Variants in PSMA6 observed in about 807,000 individuals in gnomAD.
The protein encoded by PSMA6 is proteasome 20S subunit alpha 6.
For synonymous variants in PSMA6, 88 were observed against 97.7 expected (o/e 0.90, Z 0.59); for missense variants, 170 against 294.8 (o/e 0.58, Z 3.10).
At chr14:35,283,434 A>G (rs2051389333) in intron 1 of PSMA6, among the ~76,000 whole-genome samples, 1 of 151,818 alleles carries the variant, frequency 6.6e-6, no homozygotes, top group Non-Finnish European at 1.5e-5. Context: ...ATAACATTTC[A>G]TTGATTCCAC....
upstream of PSMA6, among the ~76,000 whole-genome samples, chr14:35,289,936 A>AG (rs2051460221): frequency 6.7e-6 from 1 of 149,254 alleles, no homozygotes; most frequent in East Asian, 2.0e-4. Flanking sequence ...AAAAAAAAAA[A>AG]GGCAGAATAG....
upstream of PSMA6, among the ~76,000 whole-genome samples, chr14:35,291,501 T>TGA (rs2051479671): frequency 6.6e-6 from 1 of 150,508 alleles, no homozygotes; most frequent in Non-Finnish European, 1.5e-5. Flanking sequence ...ATTACAGGCG[T>TGA]GAGCCACCGC....
chr14:35,293,131 A>G (rs2051520431), intron 1 of PSMA6: 1 of 426,184 alleles, frequency 2.3e-6, no homozygotes, highest in South Asian at 1.7e-5. Context: ...CAATTTACAA[A>G]TATCTACAGA....
chr14:35,317,135 A>G (rs572776238), intron 6 of PSMA6, 114 bp from the exon 7 acceptor site: 1 of 737,156 alleles, frequency 1.4e-6, no homozygotes, highest in South Asian at 1.6e-5. Flanking sequence ...ATAAATTGAT[A>G]ATTGTTAAAG....
chr14:35,305,866 C>G (rs549494884), intron 1 of PSMA6, among the ~76,000 whole-genome samples: 63 of 152,170 alleles, frequency 4.1e-4, no homozygotes, highest in African/African-American at 1.5e-3. Flanking sequence ...GGGAGGATCA[C>G]TTGAGCCAGA....
At position 35,310,834 on chromosome 14, in the gene PSMA6, A is replaced by G. The variant is rs1393270246; in HGVS notation, c.348A>G (p.Lys116=). 1 of 1,613,650 alleles carries G rather than the reference A, an allele frequency of 6.2e-7. No individual in the cohort carries two copies. Among genetic ancestry groups the G allele is most frequent in the African/African-American group, 1.3e-5 (1 of 74,912 alleles). Residue 116 remains lysine, a synonymous_variant, in exon 4 of 7, where the codon AAA becomes AAG. Coordinates refer to ENST00000261479, the MANE Select transcript of PSMA6 (RefSeq NM_002791.3). ...GYEIPVDMLC[K]RIADISQVYT... is the part of the protein sequence containing the mutation. ...AGATTCCTGTGGACATGCTGTGTAA[A>G]AGAATTGCCGATATTTCTCAGGTCT... is the stretch of plus-strand genomic sequence containing the variant.
intron 4 of PSMA6, 170 bp from the exon 5 acceptor site, chr14:35,312,711 A>C (rs1448237941): frequency 3.9e-6 from 2 of 512,708 alleles, no homozygotes; most frequent in African/African-American, 4.0e-5. Flanking sequence ...CTGTTACCTA[A>C]TTTACCTGTG....
chr14:35,289,915 CAAAAAAAAA>C (rs750610944), upstream of PSMA6, among the ~76,000 whole-genome samples: 3 of 79,650 alleles, frequency 3.8e-5, no homozygotes, highest in East Asian at 3.5e-4. Context: ...TACCGCATTT[CAAAAAAAAA>C]AAAAAAAAAA....
upstream of PSMA6, chr14:35,292,282 C>T: frequency 7.1e-7 from 1 of 1,401,042 alleles, no homozygotes; most frequent in South Asian, 1.6e-5. Context: ...CCTCACTCCA[C>T]CACCCCCTTA....
intron 1 of PSMA6, chr14:35,293,044 C>T (rs1476837378): frequency 2.2e-6 from 1 of 456,604 alleles, no homozygotes; most frequent in Non-Finnish European, 4.4e-6. Flanking sequence ...GTGAATGTTA[C>T]ACCCTCTTCT....
At chr14:35,308,642 TG>T in intron 2 of PSMA6, 1 of 366,282 alleles carries the variant, frequency 2.7e-6, no homozygotes, top group South Asian at 3.3e-5. Context: ...CTAAGTCTTT[TG>T]TCTTTGGGGA....
chr14:35,308,075 A>G lies in PSMA6; in HGVS notation c.158A>G (p.Gln53Arg). 8 of 1,613,882 alleles carry G rather than the reference A, an allele frequency of 5.0e-6. No individual in the cohort carries two copies. The highest frequency in any genetic ancestry group is 6.8e-6 in the Non-Finnish European group (8 of 1,179,834). ...AAAGACTGTGCAGTAATTGTCACAC[A>G]GAAGAAAGTACCTGTAAGTAATACT... ...RGKDCAVIVTQKKVPDKLLDS... is the reference protein window; with the variant it reads ...RGKDCAVIVTRKKVPDKLLDS... Residue 53 changes from glutamine (Q) to arginine (R), a missense_variant, in exon 2 of 7, where the codon CAG becomes CGG. Coordinates refer to ENST00000261479, the MANE Select transcript of PSMA6 (RefSeq NM_002791.3).
upstream of PSMA6, among the ~76,000 whole-genome samples, chr14:35,287,691 A>G (rs2051436411): frequency 6.6e-6 from 1 of 152,198 alleles, no homozygotes; most frequent in Non-Finnish European, 1.5e-5. Flanking sequence ...ATTTTTTCAA[A>G]AAACCAGAAA....
At chr14:35,307,593 A>C (rs775115266) in intron 1 of PSMA6, among the ~76,000 whole-genome samples, 6 of 151,886 alleles carry the variant, frequency 4.0e-5, no homozygotes, top group Non-Finnish European at 8.8e-5. Context: ...TATTAGCCAG[A>C]TGTGGTGGCA....
intron 4 of PSMA6, among the ~76,000 whole-genome samples, chr14:35,311,501 C>A (rs1230569091): frequency 6.6e-6 from 1 of 152,162 alleles, no homozygotes; most frequent in Non-Finnish European, 1.5e-5. Flanking sequence ...ACCCTCTTGA[C>A]TTCTCACTTA....
chr14:35,300,478 G>T (rs2051690748), intron 1 of PSMA6, among the ~76,000 whole-genome samples: 1 of 151,980 alleles, frequency 6.6e-6, no homozygotes, highest in Non-Finnish European at 1.5e-5. Context: ...TCTCAGAAAA[G>T]AAAATAAAAA....
At chr14:35,298,728 TTTA>T (rs34505017) in intron 1 of PSMA6, among the ~76,000 whole-genome samples, 18 of 151,148 alleles carry the variant, frequency 1.2e-4, no homozygotes, top group Non-Finnish European at 1.8e-4. Flanking sequence ...TCTTTATTTC[TTTA>T]TTATTATTAT....
At chr14:35,282,906 GATCTC>G (rs1216930639) in intron 1 of PSMA6, among the ~76,000 whole-genome samples, 1 of 151,334 alleles carries the variant, frequency 6.6e-6, no homozygotes, top group Admixed American at 6.6e-5. Context: ...GCAAAGGAAA[GATCTC>G]AGCTCACTGC....
At chr14:35,284,461 CTACCTCATGT>C (rs1310767262) in intron 1 of PSMA6, among the ~76,000 whole-genome samples, 2 of 152,136 alleles carry the variant, frequency 1.3e-5, no homozygotes, top group South Asian at 4.1e-4. Context: ...GTATTACGGA[CTACCTCATGT>C]TAGCTTTGCT....
Sources: allele counts gnomAD v4.1 joint callset (sites outside exome capture counted in the v4.1 genomes callset), GRCh38; gene constraint gnomAD v4.1.1; transcripts MANE v1.5; gene names NCBI Gene and HGNC (gene_info 2026-07-23, HGNC 2026-07-21).